Variants in TMEM163 observed in about 807,000 individuals in gnomAD.
TMEM163 encodes the protein transmembrane protein 163.
TMEM163 carries 17 observed loss-of-function variants against 29.3 expected under a neutral mutation model. The observed-to-expected ratio is 0.58, with a 90% CI of 0.40 to 0.87. The LOEUF (loss-of-function observed/expected upper bound fraction) is 0.87, where lower values mean the gene tolerates loss of function less well. TMEM163 is among the 40% of genes least tolerant of loss of function. TMEM163 has a pLI of 0.00. For missense variants in TMEM163, 303 were observed against 381.5 expected (o/e 0.79, Z 1.71); for synonymous variants, 157 against 160.6 (o/e 0.98, Z 0.17).
At chr2:134,467,345 G>A (rs913871064) in intron 5 of TMEM163, 6 of 151,734 alleles carry the variant, frequency 4.0e-5, no homozygotes, top group African/African-American at 1.5e-4. Flanking sequence ...GTAGAGAAAG[G>A]GAAAAACAGT....
intron 5 of TMEM163, among the ~76,000 whole-genome samples, chr2:134,498,851 C>T (rs533069861): frequency 6.6e-6 from 1 of 152,288 alleles, no homozygotes; most frequent in South Asian, 2.1e-4. Flanking sequence ...GAGGCCGGAG[C>T]CAAAAAGCCA....
intron 5 of TMEM163, chr2:134,466,447 A>AC (rs1558912408): frequency 1.9e-6 from 1 of 515,126 alleles, no homozygotes; most frequent in Non-Finnish European, 3.5e-6. Context: ...TACTTAAAAA[A>AC]CCATTACGTA....
At position 134,619,295 on chromosome 2, in the gene TMEM163, G is replaced by A. The variant is rs139105042; in HGVS notation, c.323-67204C>T. Among the ~76,000 whole-genome samples the A allele has an allele frequency of 2.9e-3, 443 of 152,182 alleles. 4 individuals carry two copies. The highest frequency in any genetic ancestry group is 0.026 in the East Asian group (137 of 5,188). On this transcript the variant is annotated intron_variant, in intron 2 of 7. Transcript: ENST00000281924. ...TATTACCGTAATACCAAAGCTAGACGGACATCACAAGAAAGGTGAAACCAA... is the reference window on the plus strand; with the variant it reads ...TATTACCGTAATACCAAAGCTAGACAGACATCACAAGAAAGGTGAAACCAA...
intron 2 of TMEM163, among the ~76,000 whole-genome samples, chr2:134,620,151 T>G (rs1682698400): frequency 6.6e-6 from 1 of 152,150 alleles, no homozygotes; most frequent in South Asian, 2.1e-4. Context: ...TTATAGAAAC[T>G]GACAGGCTGA....
At chr2:134,505,720 T>G (rs557549207) in intron 4 of TMEM163, among the ~76,000 whole-genome samples, 1 of 152,120 alleles carries the variant, frequency 6.6e-6, no homozygotes, top group Non-Finnish European at 1.5e-5. Flanking sequence ...AATGCCGGAA[T>G]TGCTTCTCAC....
intron 5 of TMEM163, among the ~76,000 whole-genome samples, chr2:134,477,147 T>C (rs925504442): frequency 2.0e-5 from 3 of 152,154 alleles, no homozygotes; most frequent in Admixed American, 2.0e-4. Context: ...GTGTTGCTCA[T>C]TTGTTGTCCG....
rs567419795 is a variant in TMEM163 at position 134,506,870 on chromosome 2, C to T, written c.459-3873G>A. Among the ~76,000 whole-genome samples, 78 of 152,330 alleles carry T rather than the reference C, an allele frequency of 5.1e-4. 1 individual carries two copies. Among genetic ancestry groups the T allele is most frequent in the African/African-American group, 1.8e-3 (74 of 41,558 alleles). On this transcript the variant is annotated intron_variant, in intron 4 of 7. Coordinates refer to ENST00000281924, the MANE Select transcript of TMEM163 (RefSeq NM_030923.5). ...CTCCATCAGCAATCCCTGGCCTCAA[C>T]CCAGAAAGGCTGGCCTGGCCAGTAA... is the stretch of plus-strand genomic sequence containing the variant.
chr2:134,627,592 ACAC>A (rs1682880700), intron 2 of TMEM163, among the ~76,000 whole-genome samples: 1 of 152,238 alleles, frequency 6.6e-6, no homozygotes, highest in African/African-American at 2.4e-5. Context: ...TAATTTAAAG[ACAC>A]AATTAGCTAA....
At position 134,456,571 on chromosome 2, in the gene TMEM163, C is replaced by T; in HGVS notation, c.*145G>A. On this transcript the variant is annotated 3_prime_UTR_variant, in exon 8 of 8. Transcript: ENST00000281924. ...GGTGATGGGGGCAAGGTAGATCCAC[C>T]TGGCTGGGCAGACCTTGTCTTGTAA... The T allele has an allele frequency of 4.2e-6, 4 of 960,902 alleles. No individual in the cohort carries two copies. The highest frequency in any genetic ancestry group is 6.3e-6 in the Non-Finnish European group (4 of 630,306). 59.5% of individuals were successfully genotyped at this position (960,902 alleles called of 1,614,324 possible). A position where few individuals can be genotyped will look rare whatever the true frequency, so the allele number is the denominator to read the frequency against.
intron 2 of TMEM163, among the ~76,000 whole-genome samples, chr2:134,711,798 C>T (rs1684932728): frequency 6.6e-6 from 1 of 152,198 alleles, no homozygotes; most frequent in African/African-American, 2.4e-5. Flanking sequence ...GGTCCTCATT[C>T]AAACATCCAC....
At chr2:134,530,813 G>A (rs907636241) in intron 4 of TMEM163, among the ~76,000 whole-genome samples, 1 of 152,178 alleles carries the variant, frequency 6.6e-6, no homozygotes, top group Admixed American at 6.5e-5. Flanking sequence ...AGTAGCTAAT[G>A]TGCAAATATA....
chr2:134,624,439 A>G (rs1682803980), intron 2 of TMEM163, among the ~76,000 whole-genome samples: 1 of 152,148 alleles, frequency 6.6e-6, no homozygotes, highest in South Asian at 2.1e-4. Flanking sequence ...GAGGGGAACG[A>G]CACACACTGG....
chr2:134,654,099 C>A (rs1302189414), intron 2 of TMEM163, among the ~76,000 whole-genome samples: 1 of 84,574 alleles, frequency 1.2e-5, no homozygotes, highest in Non-Finnish European at 2.5e-5. Flanking sequence ...TCCTGGGTAT[C>A]CTTGTTGACT....
intron 5 of TMEM163, among the ~76,000 whole-genome samples, chr2:134,500,778 T>G (rs1679680668): frequency 6.6e-6 from 1 of 151,840 alleles, no homozygotes; most frequent in African/African-American, 2.4e-5. Context: ...AAAGAGGTGA[T>G]TGTGTAAGAG....
At chr2:134,710,398 A>G (rs1285247882) in intron 2 of TMEM163, among the ~76,000 whole-genome samples, 1 of 152,214 alleles carries the variant, frequency 6.6e-6, no homozygotes, top group Admixed American at 6.5e-5. Context: ...TACTCAGCTA[A>G]AAATCAGTAA....
chr2:134,578,040 G>A (rs528005354), intron 2 of TMEM163, among the ~76,000 whole-genome samples: 10 of 151,946 alleles, frequency 6.6e-5, no homozygotes, highest in South Asian at 2.1e-4. Flanking sequence ...TCTCGGGTGC[G>A]GAGGAATGAC....
chr2:134,510,219 T>C (rs370662262), intron 4 of TMEM163, among the ~76,000 whole-genome samples: 24 of 152,116 alleles, frequency 1.6e-4, no homozygotes, highest in East Asian at 1.3e-3. Flanking sequence ...GGCAGAGATA[T>C]TGTTGCTTAG....
intron 5 of TMEM163, among the ~76,000 whole-genome samples, chr2:134,500,989 A>T (rs1029510582): frequency 2.0e-5 from 3 of 152,170 alleles, no homozygotes; most frequent in African/African-American, 7.2e-5. Context: ...TAGGAGAGGG[A>T]TACTGAATGT....
At chr2:134,657,195 T>C (rs1427175186) in intron 2 of TMEM163, among the ~76,000 whole-genome samples, 1 of 152,228 alleles carries the variant, frequency 6.6e-6, no homozygotes, top group African/African-American at 2.4e-5. Flanking sequence ...GTACATCTGG[T>C]AGAATTCAGC....
Sources: allele counts gnomAD v4.1 joint callset (sites outside exome capture counted in the v4.1 genomes callset), GRCh38; gene constraint gnomAD v4.1.1; transcripts MANE v1.5; gene names NCBI Gene and HGNC (gene_info 2026-07-23, HGNC 2026-07-21).